XCR1: variants seen among roughly 807,000 people sequenced by gnomAD.
XCR1 encodes the protein X-C motif chemokine receptor 1.
For synonymous variants in XCR1, 187 were observed against 188.5 expected (o/e 0.99, Z 0.06); for missense variants, 356 against 424.2 (o/e 0.84, Z 1.41).
intron 4 of XCR1, among the ~76,000 whole-genome samples, chr3:46,054,775 T>TA (rs921463160): frequency 1.7e-4 from 26 of 151,884 alleles, no homozygotes; most frequent in African/African-American, 5.6e-4. Flanking sequence ...TAACAATGTG[T>TA]AAAAAAACAG....
upstream of XCR1, among the ~76,000 whole-genome samples, chr3:46,029,183 A>C (rs1708356258): frequency 6.6e-6 from 1 of 152,172 alleles, no homozygotes; most frequent in African/African-American, 2.4e-5. Flanking sequence ...GGGGAAAGCC[A>C]TACATCTATG....
At chr3:46,061,975 C>T (rs955367690) in intron 4 of XCR1, among the ~76,000 whole-genome samples, 1 of 152,102 alleles carries the variant, frequency 6.6e-6, no homozygotes, top group Admixed American at 6.5e-5. Flanking sequence ...CCCGGAACCC[C>T]TAAGGGAAGG....
chr3:46,057,108 C>T (rs772777097), intron 4 of XCR1, among the ~76,000 whole-genome samples: 1 of 152,152 alleles, frequency 6.6e-6, no homozygotes, highest in Non-Finnish European at 1.5e-5. Flanking sequence ...AGAAAGAGTA[C>T]ATAATGTATG....
At chr3:46,033,037 A>G (rs1057358921) in intron 5 of XCR1, among the ~76,000 whole-genome samples, 5 of 152,084 alleles carry the variant, frequency 3.3e-5, no homozygotes, top group Non-Finnish European at 5.9e-5. Flanking sequence ...CCTATATCCA[A>G]AATTTTTTTC....
chr3:46,073,346 A>G (rs9870445), intron 3 of XCR1, among the ~76,000 whole-genome samples: 76,720 of 152,070 alleles, frequency 0.5, 23,149 homozygotes, highest in African/African-American at 0.85. Context: ...TATAATCCCA[A>G]CACTTTGGGA....
At chr3:46,060,730 C>T (rs188503404) in intron 4 of XCR1, among the ~76,000 whole-genome samples, 7 of 152,248 alleles carry the variant, frequency 4.6e-5, no homozygotes, top group South Asian at 2.1e-4. Context: ...ATTCCTGGAC[C>T]GGTGACTCCT....
chr3:46,076,300 C>T (rs1698259071), intron 2 of XCR1, among the ~76,000 whole-genome samples: 1 of 152,150 alleles, frequency 6.6e-6, no homozygotes, highest in East Asian at 1.9e-4. Context: ...CTCTGGGAAC[C>T]CCTTGTATTC....
At chr3:46,024,133 C>T (rs1309349224) in intron 1 of XCR1, 2 of 674,434 alleles carry the variant, frequency 3.0e-6, no homozygotes, top group East Asian at 2.6e-5. Context: ...TGAGAATATT[C>T]TGAAAGGATT....
chr3:46,027,599 G>A (rs1187129073), upstream of XCR1: 1 of 152,308 alleles, frequency 6.6e-6, no homozygotes, highest in Non-Finnish European at 1.5e-5. Flanking sequence ...GAAGGAAGAA[G>A]CCAGTCAGGC....
rs1383132395 is a variant in XCR1, at chr3:46,017,366, G to A, written c.*3580C>T. On this transcript the variant is annotated 3_prime_UTR_variant, in exon 2 of 2. Coordinates refer to ENST00000309285, the MANE Select transcript of XCR1 (RefSeq NM_001024644.2). ...AGGCATTTGCATAAATGAAACCTGT[G>A]AAAAGTTCAACAAAGCTTAATTCCA... 2.0e-5 allele frequency: 3 copies of A among 152,236 alleles called. No homozygotes were observed. Among genetic ancestry groups the A allele is most frequent in the African/African-American group, 7.2e-5 (3 of 41,466 alleles). 9.4% of individuals were successfully genotyped at this position (152,236 alleles called of 1,614,324 possible).
At chr3:46,024,096 T>C (rs1264398484) in intron 1 of XCR1, 3 of 797,768 alleles carry the variant, frequency 3.8e-6, no homozygotes, top group Non-Finnish European at 6.5e-6. Context: ...ATTTTACATC[T>C]CCAGAACTTC....
At chr3:46,031,290 G>A (rs1276449862), upstream of XCR1, among the ~76,000 whole-genome samples, 1 of 152,230 alleles carries the variant, frequency 6.6e-6, no homozygotes, top group African/African-American at 2.4e-5. Context: ...GCCTGGGAAG[G>A]TCCCCCGCTG....
intron 5 of XCR1, among the ~76,000 whole-genome samples, chr3:46,035,589 G>A (rs1262474673): frequency 1.3e-5 from 2 of 151,856 alleles, no homozygotes; most frequent in African/African-American, 4.9e-5. Flanking sequence ...TTGGAGATAA[G>A]TTTCAGTCTG....
At chr3:46,071,534 C>T (rs988013019) in intron 3 of XCR1, among the ~76,000 whole-genome samples, 10 of 152,018 alleles carry the variant, frequency 6.6e-5, no homozygotes, top group African/African-American at 1.9e-4. Flanking sequence ...CAACATTCCC[C>T]GTGAACATAG....
upstream of XCR1, among the ~76,000 whole-genome samples, chr3:46,031,655 G>A (rs1246047580): frequency 6.6e-6 from 1 of 152,186 alleles, no homozygotes; most frequent in African/African-American, 2.4e-5. Context: ...CCTTCAAGCT[G>A]GGGAAGGCCT....
Position 46,020,912 on chromosome 3 carries a change from C to A in XCR1, c.*34G>T, listed in dbSNP as rs1302621767. On this transcript the variant is annotated 3_prime_UTR_variant, in exon 2 of 2. Transcript: ENST00000309285. ...CATGACCCCCATTCCAGTCCCTGTCCACCTGCACCTGCGCCTGCACCGCCA... is the reference window on the plus strand; with the variant it reads ...CATGACCCCCATTCCAGTCCCTGTCAACCTGCACCTGCGCCTGCACCGCCA... 1.9e-6 allele frequency: 3 copies of A among 1,591,652 alleles called. No individual in the cohort carries two copies. Among genetic ancestry groups the A allele is most frequent in the Admixed American group, 1.7e-5 (1 of 58,274 alleles).
At chr3:46,052,731 G>A (rs925407118) in intron 5 of XCR1, among the ~76,000 whole-genome samples, 2 of 152,180 alleles carry the variant, frequency 1.3e-5, no homozygotes, top group African/African-American at 4.8e-5. Context: ...GCCAGTGCGC[G>A]TTCATAATCT....
intron 2 of XCR1, among the ~76,000 whole-genome samples, chr3:46,075,844 T>C (rs763885709): frequency 3.1e-4 from 47 of 152,290 alleles, no homozygotes; most frequent in Non-Finnish European, 5.6e-4. Context: ...AAGACCATGA[T>C]AAGATATTAT....
chr3:46,052,484 A>C (rs909177137), intron 5 of XCR1, among the ~76,000 whole-genome samples: 1 of 152,144 alleles, frequency 6.6e-6, no homozygotes, highest in Non-Finnish European at 1.5e-5. Context: ...TGGGTGGGGC[A>C]CTGCATTGTA....
Sources: gnomAD v4.1 joint callset for allele counts (sites outside exome capture counted in the v4.1 genomes callset) on GRCh38, gnomAD v4.1.1 for gene constraint, MANE v1.5 for transcripts, NCBI Gene and HGNC (gene_info 2026-07-23, HGNC 2026-07-21) for gene names.